The following ATG7 variants were observed in gnomAD, a reference collection of about 807,000 sequenced individuals.
ATG7 encodes ubiquitin-like modifier-activating enzyme ATG7.
A neutral mutation model predicts 82.4 loss-of-function variants in ATG7; 70 were observed. The observed-to-expected ratio is 0.85, with a 90% CI of 0.70 to 1.04. The LOEUF is 1.04. Among genes scored for constraint, ATG7 ranks in the 50% least tolerant of loss-of-function variants. ATG7 has a pLI of 0.00. For missense variants in ATG7, 792 were observed against 864.3 expected (o/e 0.92, Z 1.05); for synonymous variants, 287 against 313.0 (o/e 0.92, Z 0.88).
At chr3:11,434,343 G>A (rs889573653) in intron 20 of ATG7, among the ~76,000 whole-genome samples, 1 of 152,230 alleles carries the variant, frequency 6.6e-6, no homozygotes, top group African/African-American at 2.4e-5. Context: ...CCAATGGAGA[G>A]AAATCGCTCT....
At chr3:11,293,093 TG>T (rs1256331683) in intron 3 of ATG7, among the ~76,000 whole-genome samples, 6 of 152,208 alleles carry the variant, frequency 3.9e-5, no homozygotes, top group African/African-American at 1.4e-4. Flanking sequence ...GGAAAATATA[TG>T]TTGAATTTTG....
chr3:11,481,147 G>C (rs1321265228), intron 20 of ATG7, among the ~76,000 whole-genome samples: 3 of 152,246 alleles, frequency 2.0e-5, no homozygotes, highest in African/African-American at 7.2e-5. Flanking sequence ...AGAGCACTGT[G>C]TAAGCACCTA....
chr3:11,522,808 C>G (rs1028237089), intron 20 of ATG7, among the ~76,000 whole-genome samples: 1 of 152,172 alleles, frequency 6.6e-6, no homozygotes, highest in African/African-American at 2.4e-5. Flanking sequence ...GTGGTACAGA[C>G]TGTGAACATG....
chr3:11,352,187 T>G (rs1007080875), intron 14 of ATG7, among the ~76,000 whole-genome samples: 1 of 152,232 alleles, frequency 6.6e-6, no homozygotes, highest in Non-Finnish European at 1.5e-5. Flanking sequence ...GAACTCATCC[T>G]TCTTTATGGT....
At chr3:11,558,457 C>T (rs1320592705), downstream of ATG7, 18 of 1,000,194 alleles carry the variant, frequency 1.8e-5, no homozygotes, top group Middle Eastern at 2.6e-4. Context: ...CTTCCCTTCC[C>T]CCCACCCCAC....
intron 20 of ATG7, among the ~76,000 whole-genome samples, chr3:11,486,674 C>T (rs1328749182): frequency 5.4e-4 from 82 of 151,996 alleles, no homozygotes; most frequent in African/African-American, 1.9e-3. Flanking sequence ...GGCTGTGGGT[C>T]TGTCATAGAT....
intron 14 of ATG7, among the ~76,000 whole-genome samples, chr3:11,356,051 A>G (rs1476828554): frequency 6.6e-6 from 1 of 152,154 alleles, no homozygotes; most frequent in African/African-American, 2.4e-5. Context: ...GAAGCCAAAC[A>G]CAAACAAGTA....
the ATG7 span, among the ~76,000 whole-genome samples, chr3:11,565,235 T>C: frequency 2.0e-5 from 3 of 151,998 alleles, no homozygotes; most frequent in African/African-American, 4.8e-5. The surrounding 1 kb of genome is among the most constrained non-coding windows in gnomAD (Gnocchi z 4.1). Flanking sequence ...GAGTCCAAAG[T>C]CAGCTCCATA....
chr3:11,490,642 C>G (rs1372562553), intron 20 of ATG7, among the ~76,000 whole-genome samples: 6 of 152,138 alleles, frequency 3.9e-5, no homozygotes, highest in African/African-American at 1.4e-4. Context: ...GTGGTTCCTT[C>G]AGGAGCTCTT....
chr3:11,544,436 T>A (rs1403787322), intron 20 of ATG7, among the ~76,000 whole-genome samples: 5 of 152,166 alleles, frequency 3.3e-5, no homozygotes, highest in African/African-American at 1.2e-4. Flanking sequence ...GCCTGGGGCC[T>A]CTTAGAGTCC....
chr3:11,338,163 A>G (rs1952846563), intron 11 of ATG7, among the ~76,000 whole-genome samples: 1 of 152,012 alleles, frequency 6.6e-6, no homozygotes, highest in East Asian at 1.9e-4. Context: ...TGTGTCCATG[A>G]GTTCTCATCA....
intron 20 of ATG7, among the ~76,000 whole-genome samples, chr3:11,515,832 T>C (rs2092261241): frequency 6.6e-6 from 1 of 152,122 alleles, no homozygotes; most frequent in Admixed American, 6.5e-5. Flanking sequence ...CTTGCTGGGC[T>C]AAAGACAGTC....
intron 19 of ATG7, among the ~76,000 whole-genome samples, chr3:11,407,776 C>G (rs1258855277): frequency 1.3e-5 from 2 of 152,218 alleles, no homozygotes; most frequent in Admixed American, 1.3e-4. Context: ...TCAGCCACAG[C>G]TGGAGTGTCT....
At chr3:11,485,886 G>A (rs2089572332) in intron 20 of ATG7, among the ~76,000 whole-genome samples, 1 of 151,968 alleles carries the variant, frequency 6.6e-6, no homozygotes. Flanking sequence ...GCTCTGTTCT[G>A]TTCCATTGAT....
intron 19 of ATG7, among the ~76,000 whole-genome samples, chr3:11,425,986 C>A (rs2082331896): frequency 6.6e-6 from 1 of 152,188 alleles, no homozygotes; most frequent in Non-Finnish European, 1.5e-5. Flanking sequence ...CATTGCATGA[C>A]TATACCACAA....
intron 17 of ATG7, among the ~76,000 whole-genome samples, chr3:11,364,134 G>T (rs1037445965): frequency 1.2e-4 from 18 of 152,208 alleles, no homozygotes; most frequent in African/African-American, 4.3e-4. Context: ...CCATTGTTCA[G>T]AGAGTAGTGT....
At chr3:11,548,618 G>T (rs747763137) in intron 20 of ATG7, among the ~76,000 whole-genome samples, 3 of 152,246 alleles carry the variant, frequency 2.0e-5, no homozygotes, top group Admixed American at 6.5e-5. Flanking sequence ...AAACAAAGGT[G>T]GTATGCTACA....
At chr3:11,497,393 T>TATATATATATATATATATATATATATA (rs1553698223) in intron 20 of ATG7, among the ~76,000 whole-genome samples, 1 of 47,438 alleles carries the variant, frequency 2.1e-5, no homozygotes, top group Non-Finnish European at 4.2e-5. Flanking sequence ...ATATATATAT[T>TATATATATATATATATATATATATATA]TAGCCAGGCA....
intron 3 of ATG7, among the ~76,000 whole-genome samples, chr3:11,293,901 C>T (rs936355558): frequency 2.9e-4 from 44 of 151,194 alleles, no homozygotes; most frequent in Non-Finnish European, 5.5e-4. Context: ...ACCTGTAGTC[C>T]CAGCTACTTG....
Sources: gnomAD v4.1 joint callset for allele counts (sites outside exome capture counted in the v4.1 genomes callset) on GRCh38, gnomAD v4.1.1 for gene constraint, Gnocchi (gnomAD v3.1) non-coding constraint, MANE v1.5 for transcripts, NCBI Gene and HGNC (gene_info 2026-07-23, HGNC 2026-07-21) for gene names.